The following DAB1 variants were observed in gnomAD, a reference collection of about 807,000 sequenced individuals.
The protein encoded by DAB1 is disabled homolog 1.
A neutral mutation model predicts 64.6 loss-of-function variants in DAB1; 15 were observed. That is an observed-to-expected ratio of 0.23 (90% CI 0.16 to 0.36). DAB1 has a LOEUF of 0.36. Ranked by LOEUF, DAB1 falls within the 10% of genes least tolerant of loss-of-function variation. DAB1 has a pLI of 1.00. For missense variants in DAB1, 596 were observed against 706.7 expected (o/e 0.84, Z 1.78); for synonymous variants, 235 against 251.9 (o/e 0.93, Z 0.64).
chr1:57,173,859 G>T (rs1204463332), intron 2 of DAB1, among the ~76,000 whole-genome samples: 2 of 151,862 alleles, frequency 1.3e-5, no homozygotes. Context: ...TTCCTTGCAG[G>T]GGGCTATGGA....
intron 1 of DAB1, among the ~76,000 whole-genome samples, chr1:57,414,215 A>C (rs1684327843): frequency 6.6e-6 from 1 of 151,960 alleles, no homozygotes; most frequent in Admixed American, 6.5e-5. Context: ...TTCTATAGAG[A>C]AATCTTTCAT....
chr1:57,199,551 T>C (rs181268644), intron 2 of DAB1, among the ~76,000 whole-genome samples: 112 of 152,344 alleles, frequency 7.4e-4, no homozygotes, highest in Non-Finnish European at 1.4e-3. Context: ...CCGCGGGCTA[T>C]GCACGGGTCA....
At chr1:58,345,027 G>C (rs1311357400) in intron 3 of DAB1, among the ~76,000 whole-genome samples, 1 of 152,140 alleles carries the variant, frequency 6.6e-6, no homozygotes, top group Non-Finnish European at 1.5e-5. Flanking sequence ...AGTGAAAAGA[G>C]GAAAAGGACC....
At chr1:57,919,974 C>A (rs192868083) in intron 5 of DAB1, among the ~76,000 whole-genome samples, 3 of 152,270 alleles carry the variant, frequency 2.0e-5, no homozygotes, top group Admixed American at 1.3e-4. Flanking sequence ...TCTTCCCCAG[C>A]CTAATCTGGA....
chr1:57,714,241 T>C (rs1362490050), intron 6 of DAB1, among the ~76,000 whole-genome samples: 31 of 152,218 alleles, frequency 2.0e-4, no homozygotes. Context: ...TTACCCATTT[T>C]ATGACGGGAA....
At position 57,901,322 on chromosome 1, in the gene DAB1, T is replaced by G. The variant is rs75448035; in HGVS notation, n.388-17160A>C. On this transcript the variant is annotated intron_variant and non_coding_transcript_variant, in intron 5 of 20. Coordinates refer to the DAB1 transcript ENST00000485760. ...CCGCAGAAAGCATTTGCTATTGTTC[T>G]GAGGAGCTGGGAAATCAATGTGTTC... Among the ~76,000 whole-genome samples, 413 of 152,286 alleles carry G rather than the reference T, an allele frequency of 2.7e-3. 2 individuals carry two copies. The highest frequency in any genetic ancestry group is 9.0e-3 in the African/African-American group (376 of 41,562).
intron 5 of DAB1, among the ~76,000 whole-genome samples, chr1:58,121,042 T>C (rs1422134244): frequency 6.6e-6 from 1 of 152,192 alleles, no homozygotes; most frequent in Non-Finnish European, 1.5e-5. Flanking sequence ...GCAATTTTGC[T>C]ACTATCTTGA....
chr1:58,012,036 G>A (rs942258661), intron 5 of DAB1, among the ~76,000 whole-genome samples: 1 of 152,156 alleles, frequency 6.6e-6, no homozygotes, highest in African/African-American at 2.4e-5. Context: ...ATAGATGATT[G>A]CTTAGTTATA....
chr1:58,189,241 GT>G (rs1238354787), intron 4 of DAB1, among the ~76,000 whole-genome samples: 1 of 152,222 alleles, frequency 6.6e-6, no homozygotes, highest in African/African-American at 2.4e-5. Context: ...AGGAAAGGAT[GT>G]TTTTATTCCT....
At chr1:58,122,306 TG>T (rs1194605898) in intron 5 of DAB1, among the ~76,000 whole-genome samples, 2 of 152,308 alleles carry the variant, frequency 1.3e-5, no homozygotes, top group East Asian at 3.9e-4. Flanking sequence ...CAAAGGGATT[TG>T]GAGTTAATAG....
intron 4 of DAB1, among the ~76,000 whole-genome samples, chr1:58,272,853 A>G: frequency 7.3e-6 from 1 of 137,656 alleles, no homozygotes; most frequent in African/African-American, 2.7e-5. Flanking sequence ...TTTGTTTTCC[A>G]TTTGCTTGGT....
intron 4 of DAB1, among the ~76,000 whole-genome samples, chr1:57,100,793 C>T (rs937279438): frequency 1.3e-5 from 2 of 151,666 alleles, no homozygotes; most frequent in Non-Finnish European, 2.9e-5. Flanking sequence ...AAATGAAGCA[C>T]GCATGAGTAG....
chr1:57,126,648 C>T (rs923034817), intron 4 of DAB1, among the ~76,000 whole-genome samples: 5 of 152,134 alleles, frequency 3.3e-5, no homozygotes, highest in Non-Finnish European at 5.9e-5. Context: ...AAATAGTAAG[C>T]GTGATCATTA....
intron 3 of DAB1, among the ~76,000 whole-genome samples, chr1:58,485,178 C>G (rs1042395973): frequency 1.6e-5 from 2 of 124,456 alleles, no homozygotes; most frequent in Admixed American, 9.8e-5. Context: ...ATACCTTCTA[C>G]TCAATTAAAA....
intron 7 of DAB1, among the ~76,000 whole-genome samples, chr1:57,470,400 C>T (rs1236290095): frequency 6.6e-6 from 1 of 152,242 alleles, no homozygotes; most frequent in Non-Finnish European, 1.5e-5. Context: ...TGGAGACTCA[C>T]AGAGGTGTTT....
At chr1:58,472,619 G>C (rs1645372176) in intron 3 of DAB1, among the ~76,000 whole-genome samples, 1 of 152,140 alleles carries the variant, frequency 6.6e-6, no homozygotes, top group African/African-American at 2.4e-5. Context: ...CCCCAGCTCT[G>C]CTGGGACATT....
intron 4 of DAB1, among the ~76,000 whole-genome samples, chr1:58,328,773 T>G (rs1662901749): frequency 6.6e-6 from 1 of 152,142 alleles, no homozygotes; most frequent in African/African-American, 2.4e-5. Flanking sequence ...GCCTGGCTAA[T>G]TTTTGTATTT....
chr1:57,889,896 G>GGGGGT (rs1644281676), intron 5 of DAB1, among the ~76,000 whole-genome samples: 1 of 122,624 alleles, frequency 8.2e-6, no homozygotes, highest in African/African-American at 3.3e-5. Context: ...GCACAAACTG[G>GGGGGT]GGCGGGGGGG....
chr1:57,723,940 T>C (rs781567228), intron 6 of DAB1, among the ~76,000 whole-genome samples: 32 of 152,206 alleles, frequency 2.1e-4, no homozygotes, highest in Non-Finnish European at 4.7e-4. Flanking sequence ...AACCTGTAAC[T>C]ATTTTCAATT....
Sources: gnomAD v4.1 joint callset for allele counts (sites outside exome capture counted in the v4.1 genomes callset) on GRCh38, gnomAD v4.1.1 for gene constraint, MANE v1.5 for transcripts, NCBI Gene and HGNC (gene_info 2026-07-23, HGNC 2026-07-21) for gene names.